CEP104: variants seen among roughly 807,000 people sequenced by gnomAD.
CEP104 encodes the protein centrosomal protein 104.
CEP104 carries 84 observed loss-of-function variants against 113.3 expected under a neutral mutation model. The observed-to-expected ratio is 0.74, with a 90% CI of 0.62 to 0.89. CEP104 has a LOEUF of 0.89. Ranked by LOEUF, CEP104 falls within the 40% of genes least tolerant of loss-of-function variation. The pLI is 0.00. For synonymous variants in CEP104, 378 were observed against 421.7 expected, an observed-to-expected ratio of 0.90 and a Z score of 1.27; for missense variants, 1,053 against 1,156.6, an observed-to-expected ratio of 0.91 and a Z score of 1.30.
At chr1:3,838,723 C>G (rs1287817428) in intron 8 of CEP104, among the ~76,000 whole-genome samples, 1 of 152,200 alleles carries the variant, frequency 6.6e-6, no homozygotes, top group Admixed American at 6.5e-5. Flanking sequence ...AGCAGCAGGG[C>G]CTCGGTTTTC....
rs1488195150 is a variant in CEP104, at chr1:3,844,889, G to C, written c.566+18C>G. 1.9e-6 allele frequency: 3 copies of C among 1,598,816 alleles called. No individual in the cohort carries two copies. The highest frequency in any genetic ancestry group is 1.3e-5 in the African/African-American group (1 of 74,612). ...AGGAAAGTAAAAGAAGTTCATTGAT[G>C]GGGAGCAGGACTCTTACCTGGCGTA... On this transcript the variant is annotated intron_variant, in intron 6 of 21. Coordinates refer to ENST00000378230, the MANE Select transcript of CEP104 (RefSeq NM_014704.4).
At chr1:3,817,846 T>C (rs1207466397) in intron 20 of CEP104, among the ~76,000 whole-genome samples, 2 of 152,220 alleles carry the variant, frequency 1.3e-5, no homozygotes, top group African/African-American at 4.8e-5. Context: ...CCTGGGCTTG[T>C]CTTGCTGTTG....
intron 20 of CEP104, among the ~76,000 whole-genome samples, chr1:3,817,431 C>T (rs1643896468): frequency 6.6e-6 from 1 of 152,200 alleles, no homozygotes; most frequent in Non-Finnish European, 1.5e-5. Context: ...AGCCCTGCTT[C>T]TCCCTGGTTC....
At chr1:3,826,073 G>A (rs1228151785) in intron 17 of CEP104, among the ~76,000 whole-genome samples, 1 of 152,216 alleles carries the variant, frequency 6.6e-6, no homozygotes, top group Non-Finnish European at 1.5e-5. Context: ...TGTGCCATGT[G>A]TTAAAGCACG....
At chr1:3,832,358 G>GCA (rs1311372819) in intron 12 of CEP104, among the ~76,000 whole-genome samples, 1 of 151,704 alleles carries the variant, frequency 6.6e-6, no homozygotes, top group African/African-American at 2.4e-5. Flanking sequence ...GTGTAGTGTA[G>GCA]CACATTAGGT....
intron 6 of CEP104, among the ~76,000 whole-genome samples, chr1:3,844,447 G>A (rs867652407): frequency 1.3e-5 from 2 of 152,052 alleles, no homozygotes; most frequent in East Asian, 1.9e-4. Flanking sequence ...GCAGTGAGCC[G>A]AGATCGTGCC....
At chr1:3,836,969 T>C (rs1644326700) in intron 9 of CEP104, 1 of 511,930 alleles carries the variant, frequency 2.0e-6, no homozygotes, top group East Asian at 3.2e-5. Context: ...CTGGTAGCAA[T>C]TTCAGTTCAA....
intron 21 of CEP104, among the ~76,000 whole-genome samples, chr1:3,815,787 C>G (rs1643871467): frequency 6.6e-6 from 1 of 152,026 alleles, no homozygotes; most frequent in Non-Finnish European, 1.5e-5. Context: ...CTCCCGGGTT[C>G]AAGCAATTCT....
chr1:3,852,177 TGGTCCTGA>T, intron 2 of CEP104, 110 bp downstream of exon 2: 1 of 924,114 alleles, frequency 1.1e-6, no homozygotes, highest in Non-Finnish European at 1.6e-6. Context: ...CTGACATCCT[TGGTCCTGA>T]TGTCCGAGTG....
At chr1:3,826,812 G>A in intron 15 of CEP104, 68 bp from the exon 16 acceptor site, 1 of 1,475,400 alleles carries the variant, frequency 6.8e-7, no homozygotes, top group Non-Finnish European at 9.4e-7. Context: ...GCCTGTTGAA[G>A]ATATGTTTTC....
chr1:3,851,569 T>C (rs956401900), intron 2 of CEP104, among the ~76,000 whole-genome samples: 1 of 152,132 alleles, frequency 6.6e-6, no homozygotes, highest in Admixed American at 6.6e-5. Context: ...AGTGAGTGCA[T>C]GAAGGGGCTC....
chr1:3,816,262 A>G lies in CEP104; in HGVS notation c.2662+18T>C, dbSNP rs1393497314. 5 of 1,547,428 alleles carry G rather than the reference A, an allele frequency of 3.2e-6. No homozygotes were observed. In the South Asian group the frequency reaches 6.0e-5, roughly 18 times the overall value. On this transcript the variant is annotated intron_variant, in intron 21 of 21. Transcript: ENST00000378230. Reference sequence around the variant, plus strand: ...GGAGGGATGCAGACTACACCTGCTCAGCGGCGCTGTCCCTCACCTGGCTGC... The same window carrying G: ...GGAGGGATGCAGACTACACCTGCTCGGCGGCGCTGTCCCTCACCTGGCTGC...
At chr1:3,847,299 C>T (rs577374230) in intron 4 of CEP104, among the ~76,000 whole-genome samples, 176 bp downstream of exon 4, 2 of 150,908 alleles carry the variant, frequency 1.3e-5, no homozygotes, top group African/African-American at 5.0e-5. Flanking sequence ...GCACTGGCCA[C>T]GTGTGCCCAG....
At chr1:3,824,805 A>G (rs1644051796) in intron 18 of CEP104, among the ~76,000 whole-genome samples, 2 of 151,664 alleles carry the variant, frequency 1.3e-5, no homozygotes, top group Non-Finnish European at 2.9e-5. Context: ...CCACTGTGGG[A>G]AGGGGGCAGT....
intron 7 of CEP104, 61 bp from the exon 8 acceptor site, chr1:3,839,180 G>A (rs773132831): frequency 4.1e-5 from 60 of 1,474,122 alleles, no homozygotes; most frequent in Non-Finnish European, 5.2e-5. Context: ...CAAATGCAAA[G>A]CTAATTTTTA....
intron 9 of CEP104, 47 bp downstream of exon 9, chr1:3,837,245 C>T: frequency 6.0e-6 from 9 of 1,497,090 alleles, no homozygotes; most frequent in East Asian, 4.8e-5. Context: ...ATGTCCTTTA[C>T]AAATACCCAA....
In CEP104 at chr1:3,849,226, A is replaced by C. The variant is rs566660567; in HGVS notation, c.114-445T>G. On this transcript the variant is annotated intron_variant, in intron 2 of 21. Transcript: ENST00000378230. ...TGGTCTAGGGAGACAAGCCTATGCT[A>C]TGGGCCATGCTGGAGCTTCTTTGCT... is the stretch of plus-strand genomic sequence containing the variant. Among the ~76,000 whole-genome samples the C allele has an allele frequency of 7.3e-5, 11 of 149,992 alleles. No individual in the cohort carries two copies. The East Asian group carries it at 2.2e-3, about 30-fold the overall frequency.
At chr1:3,854,614 A>G (rs894316214) in intron 1 of CEP104, among the ~76,000 whole-genome samples, 23 of 146,966 alleles carry the variant, frequency 1.6e-4, no homozygotes, top group Admixed American at 1.2e-3. Flanking sequence ...GATTACAGGC[A>G]TGCACCACCA....
chr1:3,814,306 T>A lies in CEP104; in HGVS notation c.*1096A>T, dbSNP rs1474017765. 1 of 152,252 alleles carries A rather than the reference T, an allele frequency of 6.6e-6. No individual in the cohort carries two copies. Among genetic ancestry groups the A allele is most frequent in the African/African-American group, 2.4e-5 (1 of 41,454 alleles). The allele number at this position is 152,252 out of a possible 1,614,324, so 9.4% of individuals were successfully genotyped here. ...CCCTGACTCCCTCCACATGGCTGCCTGGATGTGACACAGGCCCAACCAAAG... is the reference window on the plus strand; with the variant it reads ...CCCTGACTCCCTCCACATGGCTGCCAGGATGTGACACAGGCCCAACCAAAG... On this transcript the variant is annotated 3_prime_UTR_variant, in exon 22 of 22. Coordinates refer to ENST00000378230, the MANE Select transcript of CEP104 (RefSeq NM_014704.4).
Sources: gnomAD v4.1 joint callset for allele counts (sites outside exome capture counted in the v4.1 genomes callset) on GRCh38, gnomAD v4.1.1 for gene constraint, MANE v1.5 for transcripts, NCBI Gene and HGNC (gene_info 2026-07-23, HGNC 2026-07-21) for gene names.